The following TM6SF1 variants were observed in gnomAD, a reference collection of about 807,000 sequenced individuals.
TM6SF1 encodes transmembrane 6 superfamily member 1.
In TM6SF1, 43 loss-of-function variants were observed where a neutral mutation model predicts 47.1. The ratio of observed to expected loss-of-function variants is 0.91; its 90% CI spans 0.72 to 1.18. The LOEUF (loss-of-function observed/expected upper bound fraction) is 1.18. TM6SF1 is among the 50% of genes most tolerant of loss of function. TM6SF1 has a pLI of 0.00. For missense variants in TM6SF1, 390 were observed against 449.0 expected (o/e 0.87, Z 1.19); for synonymous variants, 177 against 166.3 (o/e 1.06, Z -0.49).
chr15:83,131,222 C>G (rs978476862), intron 9 of TM6SF1: 2 of 152,100 alleles, frequency 1.3e-5, no homozygotes, highest in Non-Finnish European at 2.9e-5. Flanking sequence ...ACTAACTTTA[C>G]TAAAACTTAC....
intron 9 of TM6SF1, 55 bp downstream of exon 9, chr15:83,127,532 G>C: frequency 3.8e-6 from 6 of 1,596,196 alleles, no homozygotes; most frequent in Non-Finnish European, 5.1e-6. Flanking sequence ...GTCAATTGTT[G>C]AATATATGAA....
Position 83,126,041 on chromosome 15 carries a change from G to A in TM6SF1, c.709-714G>A, listed in dbSNP as rs987031785. On this transcript the variant is annotated intron_variant, in intron 7 of 9. Coordinates refer to ENST00000322019, the MANE Select transcript of TM6SF1 (RefSeq NM_023003.5). ...GTGGGCCCCACCTGTATTCTTGCAC[G>A]GCCATATCCCCTTCCCTGTGCACGA... Among the ~76,000 whole-genome samples the A allele has an allele frequency of 5.9e-5, 9 of 152,276 alleles. No individual in the cohort carries two copies. The South Asian group carries it at 1.0e-3, about 18-fold the overall frequency.
intron 7 of TM6SF1, among the ~76,000 whole-genome samples, chr15:83,125,688 T>C (rs1054273830): frequency 2.6e-5 from 4 of 152,248 alleles, no homozygotes; most frequent in African/African-American, 4.8e-5. Context: ...TCAGTGACAA[T>C]TTCTATTCGA....
At chr15:83,112,275 A>C (rs1351784035) in intron 1 of TM6SF1, among the ~76,000 whole-genome samples, 1 of 152,146 alleles carries the variant, frequency 6.6e-6, no homozygotes, top group South Asian at 2.1e-4. Flanking sequence ...TCCTGGCCTC[A>C]TTCTCTGGCC....
At chr15:83,124,162 G>GTTTAAACATGTGGAAACA (rs2035520592) in intron 6 of TM6SF1, among the ~76,000 whole-genome samples, 1 of 152,150 alleles carries the variant, frequency 6.6e-6, no homozygotes, top group Non-Finnish European at 1.5e-5. Flanking sequence ...ATGTGGGAAA[G>GTTTAAACATGTGGAAACA]TGCTTATAAT....
chr15:83,136,785 T>C lies in TM6SF1; in HGVS notation c.*113T>C. 1 of 921,432 alleles carries C rather than the reference T, an allele frequency of 1.1e-6. No individual in the cohort carries two copies. The highest frequency in any genetic ancestry group is 1.6e-6 in the Non-Finnish European group (1 of 615,080). The allele number at this position is 921,432 out of a possible 1,614,324, so 57.1% of individuals were successfully genotyped here. ...ACGTGAGTACTTAAGAATATGTACA[T>C]TCTTGCTCTGCACTGTATGTGTGAG... On this transcript the variant is annotated 3_prime_UTR_variant, in exon 10 of 10. Coordinates refer to ENST00000322019, the MANE Select transcript of TM6SF1 (RefSeq NM_023003.5).
intron 4 of TM6SF1, among the ~76,000 whole-genome samples, chr15:83,121,294 C>T (rs2035224477): frequency 6.6e-6 from 1 of 150,510 alleles, no homozygotes. Context: ...GTTGGCCAGG[C>T]TGGTTTCAAA....
Position 83,136,675 on chromosome 15 carries a change from A to C in TM6SF1, c.*3A>C. 6.3e-7 allele frequency: 1 copy of C among 1,589,772 alleles called. No individual in the cohort carries two copies. The highest frequency in any genetic ancestry group is 2.2e-5 in the East Asian group (1 of 44,774). On this transcript the variant is annotated 3_prime_UTR_variant, in exon 10 of 10. Transcript: ENST00000322019. ...AGGCAGAAGAAAAAGTGGAATAAAA[A>C]TATTACTTCATGTTCCTCCTTTCTA... is the stretch of plus-strand genomic sequence containing the variant.
intron 9 of TM6SF1, chr15:83,130,621 G>A (rs1425370716): frequency 6.6e-6 from 1 of 152,224 alleles, no homozygotes; most frequent in South Asian, 2.1e-4. Context: ...TCTTGGCTGA[G>A]CTTTAATATC....
chr15:83,136,819 T>G lies in TM6SF1; in HGVS notation c.*147T>G, dbSNP rs2036644457. The G allele has an allele frequency of 3.7e-6, 2 of 543,526 alleles. No homozygotes were observed. Among genetic ancestry groups the G allele is most frequent in the African/African-American group, 3.9e-5 (2 of 51,130 alleles). 33.7% of individuals were successfully genotyped at this position (543,526 alleles called of 1,614,324 possible). A position where few individuals can be genotyped will look rare whatever the true frequency, so the allele number is the denominator to read the frequency against. ...TGCACTGTATGTGTGAGCTATATGG[T>G]ATTGTGTAAATTTTTTTTGAAGGAA... is the stretch of plus-strand genomic sequence containing the variant. On this transcript the variant is annotated 3_prime_UTR_variant, in exon 10 of 10. Transcript: ENST00000322019.
intron 9 of TM6SF1, chr15:83,132,273 G>A (rs539296532): frequency 3.3e-5 from 5 of 152,314 alleles, no homozygotes; most frequent in Admixed American, 6.5e-5. Context: ...ATGTTGTTCC[G>A]AAGATTAACC....
chr15:83,124,857 T>C lies in TM6SF1; in HGVS notation c.708+81T>C, dbSNP rs1260509050. ...TGGAAAAAAACTTAGAAATATGTTT[T>C]TGTTTTTCCATCAGACTTCTTAGCA... On this transcript the variant is annotated intron_variant, in intron 7 of 9. Transcript: ENST00000322019. The C allele has an allele frequency of 3.4e-5, 44 of 1,291,324 alleles. No individual in the cohort carries two copies. In the East Asian group the frequency reaches 1.0e-3, roughly 30 times the overall value. 80.0% of individuals were successfully genotyped at this position (1,291,324 alleles called of 1,614,324 possible).
chr15:83,129,612 A>T (rs1278401025), intron 9 of TM6SF1: 1 of 152,246 alleles, frequency 6.6e-6, no homozygotes, highest in African/African-American at 2.4e-5. Flanking sequence ...TCCAAAGCTC[A>T]TATTCTTCTC....
chr15:83,126,680 C>T (rs572670951), intron 7 of TM6SF1, 75 bp from the exon 8 acceptor site: 16 of 1,183,868 alleles, frequency 1.4e-5, no homozygotes, highest in African/African-American at 1.2e-4. Flanking sequence ...CTAAACCTGG[C>T]ACATTTAGCC....
intron 1 of TM6SF1, chr15:83,111,751 G>T (rs2034203262): frequency 1.1e-6 from 1 of 895,842 alleles, no homozygotes. Flanking sequence ...AGTGCTGGAG[G>T]TGTGAGAGGG....
intron 4 of TM6SF1, 44 bp downstream of exon 4, chr15:83,119,725 C>G (rs371155615): frequency 6.2e-7 from 1 of 1,612,084 alleles, no homozygotes; most frequent in Non-Finnish European, 8.5e-7. Flanking sequence ...CCTTAGCAAC[C>G]GATAAGCGGG....
intron 4 of TM6SF1, among the ~76,000 whole-genome samples, chr15:83,120,577 C>G (rs2035126447): frequency 6.6e-6 from 1 of 151,658 alleles, no homozygotes; most frequent in South Asian, 2.1e-4. Flanking sequence ...AAGGTCAGCT[C>G]CAGCTAATTC....
At chr15:83,112,760 T>C (rs2034302491) in intron 1 of TM6SF1, 37 bp from the exon 2 acceptor site, 4 of 1,462,506 alleles carry the variant, frequency 2.7e-6, no homozygotes, top group African/African-American at 1.4e-5. Flanking sequence ...ATGTGTTTAT[T>C]TTGATAGTGA....
At chr15:83,127,598 T>C (rs2035880680) in intron 9 of TM6SF1, 121 bp downstream of exon 9, 2 of 1,115,500 alleles carry the variant, frequency 1.8e-6, no homozygotes, top group African/African-American at 1.6e-5. Context: ...ATGTCACCTT[T>C]TGTTTTGCAG....
Sources: allele counts gnomAD v4.1 joint callset (sites outside exome capture counted in the v4.1 genomes callset), GRCh38; gene constraint gnomAD v4.1.1; transcripts MANE v1.5; gene names NCBI Gene and HGNC (gene_info 2026-07-23, HGNC 2026-07-21).